ADGRL2: variants seen among roughly 807,000 people sequenced by gnomAD.
ADGRL2 encodes calcium-independent alpha-latrotoxin receptor 2.
A neutral mutation model predicts 157.4 loss-of-function variants in ADGRL2; 44 were observed. The ratio of observed to expected loss-of-function variants is 0.28; its 90% CI spans 0.22 to 0.36. The LOEUF (loss-of-function observed/expected upper bound fraction) is 0.36, where lower values mean the gene tolerates loss of function less well. ADGRL2 is among the 10% of genes least tolerant of loss of function. The probability of loss-of-function intolerance (pLI) is 1.00; values close to 1 mark genes in which losing one functional copy is unlikely to be tolerated. For synonymous variants in ADGRL2, 585 were observed against 624.7 expected (o/e 0.94, Z 0.95); for missense variants, 1,510 against 1,768.9 (o/e 0.85, Z 2.63).
At chr1:81,530,756 A>G (rs919424013) in intron 2 of ADGRL2, among the ~76,000 whole-genome samples, 1 of 152,178 alleles carries the variant, frequency 6.6e-6, no homozygotes, top group African/African-American at 2.4e-5. Context: ...AGTACATAGG[A>G]TGAGCTGGAG....
chr1:81,838,950 A>G (rs1160731808), intron 2 of ADGRL2, among the ~76,000 whole-genome samples: 1 of 151,754 alleles, frequency 6.6e-6, no homozygotes, highest in East Asian at 1.9e-4. Flanking sequence ...TAATTGTAAG[A>G]GTATACATAG....
At chr1:81,391,010 C>G (rs74094393) in intron 1 of ADGRL2, among the ~76,000 whole-genome samples, 95 of 150,152 alleles carry the variant, frequency 6.3e-4, no homozygotes, top group Non-Finnish European at 1.1e-3. Flanking sequence ...AAACTTTTGA[C>G]ACTTAAAGAA....
At chr1:81,584,968 G>A (rs573304171) in intron 3 of ADGRL2, among the ~76,000 whole-genome samples, 84 of 152,212 alleles carry the variant, frequency 5.5e-4, no homozygotes, top group African/African-American at 1.9e-3. Context: ...TAAAGCTGGA[G>A]GCTTAACACA....
rs190851166 is a variant in ADGRL2, at chr1:81,307,194, A to C, written c.-302+685A>C. Among the ~76,000 whole-genome samples, 688 of 152,318 alleles carry C rather than the reference A, an allele frequency of 4.5e-3. 5 individuals carry two copies. Among genetic ancestry groups the C allele is most frequent in the Non-Finnish European group, 7.2e-3 (491 of 68,012 alleles). ...TGTAGCAAGGCTTTAAAAAACCTGA[A>C]TGTTTGTATAACACTGTTTGAGATC... On this transcript the variant is annotated intron_variant, in intron 1 of 24. Transcript: ENST00000370721.
chr1:81,973,956 TTCCC>T (rs1158267655), intron 17 of ADGRL2, among the ~76,000 whole-genome samples: 384 of 152,286 alleles, frequency 2.5e-3, no homozygotes, highest in African/African-American at 8.8e-3. Context: ...TATATATATC[TTCCC>T]TCTGGTGATG....
chr1:81,767,890 T>C (rs1484851833), intron 2 of ADGRL2, among the ~76,000 whole-genome samples: 1 of 149,746 alleles, frequency 6.7e-6, no homozygotes, highest in African/African-American at 2.5e-5. Context: ...AAGAAATTGC[T>C]GGGTCATGGA....
chr1:81,685,821 T>G (rs1043334881), intron 3 of ADGRL2, among the ~76,000 whole-genome samples: 3 of 152,204 alleles, frequency 2.0e-5, no homozygotes, highest in African/African-American at 7.2e-5. Context: ...GTATGCCGAT[T>G]TTGCTGAGAG....
intron 3 of ADGRL2, among the ~76,000 whole-genome samples, chr1:81,616,207 T>C (rs1289547029): frequency 6.6e-6 from 1 of 152,138 alleles, no homozygotes; most frequent in Non-Finnish European, 1.5e-5. Flanking sequence ...GTGACAATTC[T>C]CACATGCTTC....
intron 3 of ADGRL2, among the ~76,000 whole-genome samples, chr1:81,683,847 C>T (rs1330881681): frequency 6.6e-6 from 1 of 151,704 alleles, no homozygotes; most frequent in Non-Finnish European, 1.5e-5. Context: ...GATGGAGTCT[C>T]GCTCTGTCAC....
chr1:81,586,591 C>A (rs546487562), intron 3 of ADGRL2, among the ~76,000 whole-genome samples: 2 of 152,064 alleles, frequency 1.3e-5, no homozygotes, highest in African/African-American at 4.8e-5. Context: ...CACAACCCAG[C>A]CCCTCAAAAA....
At chr1:81,415,506 C>T (rs61774030) in intron 1 of ADGRL2, among the ~76,000 whole-genome samples, 287 of 152,158 alleles carry the variant, frequency 1.9e-3, no homozygotes, top group Non-Finnish European at 3.1e-3. Context: ...AAAAAAGATA[C>T]GATAAGAGGA....
chr1:81,885,145 G>A (rs1443506762), intron 2 of ADGRL2, among the ~76,000 whole-genome samples: 1 of 152,150 alleles, frequency 6.6e-6, no homozygotes, highest in Non-Finnish European at 1.5e-5. Context: ...ATAGAAGTAA[G>A]GAGGGGAAAG....
In ADGRL2 at chr1:81,741,367, A is replaced by G. The variant is rs563227822; in HGVS notation, c.-142-20444A>G. Among the ~76,000 whole-genome samples the G allele has an allele frequency of 5.3e-5, 8 of 152,250 alleles. No homozygotes were observed. The South Asian group carries it at 1.7e-3, about 32-fold the overall frequency. On this transcript the variant is annotated intron_variant, in intron 1 of 20. Transcript: ENST00000359929. ...CATTTTTAGTGCTAACCACTGAGAT[A>G]CTAAAACATAGTTCACGCAGATCTA...
At chr1:81,384,357 G>T (rs1382274083) in intron 1 of ADGRL2, among the ~76,000 whole-genome samples, 1 of 152,156 alleles carries the variant, frequency 6.6e-6, no homozygotes, top group African/African-American at 2.4e-5. Context: ...GCATTTGTGG[G>T]TGTGTGTGCA....
intron 1 of ADGRL2, among the ~76,000 whole-genome samples, chr1:81,372,730 G>A (rs979205542): frequency 5.9e-5 from 9 of 152,138 alleles, no homozygotes; most frequent in Non-Finnish European, 1.2e-4. Context: ...GGCAGTTAGA[G>A]AGAATTTTCC....
Position 81,722,867 on chromosome 1 carries a change from A to T in ADGRL2, c.-143+23059A>T, listed in dbSNP as rs149215945. On this transcript the variant is annotated intron_variant, in intron 1 of 20. Coordinates refer to the ADGRL2 transcript ENST00000359929. The stretch of plus-strand genomic sequence containing the variant: ...GGGGGAAATGCCTGGTAATTTTCCC[A>T]GAGGAATATCTGGAATGGCCAGAAT... The T allele has an allele frequency of 3.4e-3, 2,439 of 711,756 alleles. 21 individuals carry two copies. The highest frequency in any genetic ancestry group is 0.033 in the Middle Eastern group (81 of 2,430). 44.1% of individuals were successfully genotyped at this position (711,756 alleles called of 1,614,324 possible). A position where few individuals can be genotyped will look rare whatever the true frequency, so the allele number is the denominator to read the frequency against.
chr1:81,835,058 C>T (rs946118212), intron 1 of ADGRL2, among the ~76,000 whole-genome samples: 1 of 152,082 alleles, frequency 6.6e-6, no homozygotes, highest in African/African-American at 2.4e-5. Context: ...CTTCCTTCCT[C>T]CTCCTTCCCA....
At chr1:81,619,768 T>A (rs1461905812) in intron 3 of ADGRL2, among the ~76,000 whole-genome samples, 2 of 151,814 alleles carry the variant, frequency 1.3e-5, no homozygotes, top group African/African-American at 2.4e-5. Flanking sequence ...TGATGTTTTG[T>A]TTTGCATTTA....
intron 2 of ADGRL2, among the ~76,000 whole-genome samples, chr1:81,889,427 G>A (rs1347929670): frequency 6.6e-6 from 1 of 152,198 alleles, no homozygotes; most frequent in East Asian, 1.9e-4. Flanking sequence ...ATTCTCTTAA[G>A]CCAAAGCATA....
Sources: allele counts gnomAD v4.1 joint callset (sites outside exome capture counted in the v4.1 genomes callset), GRCh38; gene constraint gnomAD v4.1.1; transcripts MANE v1.5; gene names NCBI Gene and HGNC (gene_info 2026-07-23, HGNC 2026-07-21).